SUGP2: variants seen among roughly 807,000 people sequenced by gnomAD.
SUGP2 encodes SURP and G-patch domain containing 2.
A neutral mutation model predicts 90.5 loss-of-function variants in SUGP2; 24 were observed. The observed-to-expected ratio is 0.27, with a 90% CI of 0.19 to 0.37. The LOEUF (loss-of-function observed/expected upper bound fraction) is 0.37, where lower values mean the gene tolerates loss of function less well. Ranked by LOEUF, SUGP2 falls within the 10% of genes least tolerant of loss-of-function variation. The probability of loss-of-function intolerance (pLI) is 1.00; values close to 1 mark genes in which losing one functional copy is unlikely to be tolerated. For synonymous variants in SUGP2, 473 were observed against 513.4 expected, an observed-to-expected ratio of 0.92 and a Z score of 1.06; for missense variants, 1,233 against 1,363.3, an observed-to-expected ratio of 0.90 and a Z score of 1.51.
chr19:18,999,744 C>CCATGAAG (rs2057757063), intron 8 of SUGP2, among the ~76,000 whole-genome samples: 1 of 152,196 alleles, frequency 6.6e-6, no homozygotes, highest in Non-Finnish European at 1.5e-5. Flanking sequence ...TCCTCCCTGA[C>CCATGAAG]CATGAAGGAC....
Position 19,025,737 on chromosome 19 carries a change from C to G in SUGP2, c.611G>C (p.Arg204Thr). ...TCTGGCCTGGACTTGACTGCCGCCC[C>G]TAAGCACAGAGTCAGCCTCCCCAGG... Reference protein sequence around the residue: ...DHPGEADSVLRGGSQVQARGR... With the variant: ...DHPGEADSVLTGGSQVQARGR... Residue 204 changes from arginine (R) to threonine (T), a missense_variant, in exon 3 of 11, where the codon AGG (arginine) becomes ACG (threonine). Arg to Thr is a moderately conservative substitution (Grantham distance 71). Transcript: ENST00000452918. 6.2e-7 allele frequency: 1 copy of G among 1,614,014 alleles called. No individual in the cohort carries two copies. The highest frequency in any genetic ancestry group is 8.5e-7 in the Non-Finnish European group (1 of 1,180,002).
intron 9 of SUGP2, 38 bp downstream of exon 9, chr19:18,995,106 G>GCCCCCCCCCCC: frequency 6.3e-7 from 1 of 1,584,882 alleles, no homozygotes; most frequent in Non-Finnish European, 8.6e-7. Flanking sequence ...AAGGACTGAG[G>GCCCCCCCCCCC]CCCCACCCAC....
chr19:19,018,955 C>T (rs2058605570), intron 4 of SUGP2, among the ~76,000 whole-genome samples, 154 bp downstream of exon 4: 1 of 152,146 alleles, frequency 6.6e-6, no homozygotes, highest in South Asian at 2.1e-4. Context: ...GCTTGCTGAA[C>T]CCACATAAAT....
intron 1 of SUGP2, among the ~76,000 whole-genome samples, chr19:19,031,549 A>T (rs572511300): frequency 1.1e-4 from 16 of 151,404 alleles, no homozygotes; most frequent in African/African-American, 3.9e-4. Context: ...AAAAAAAAAA[A>T]AAATTTCACC....
intron 4 of SUGP2, among the ~76,000 whole-genome samples, chr19:19,011,649 T>C (rs1205612927): frequency 6.6e-6 from 1 of 152,218 alleles, no homozygotes; most frequent in Admixed American, 6.5e-5. Flanking sequence ...TGGCATAATG[T>C]GGCCCACGTG....
At chr19:19,032,156 CT>C (rs71168792) in intron 1 of SUGP2, among the ~76,000 whole-genome samples, 39 of 143,710 alleles carry the variant, frequency 2.7e-4, no homozygotes, top group African/African-American at 4.4e-4. Context: ...AGAGATCAAT[CT>C]TTTTTTTTTT....
At chr19:19,029,530 C>T (rs565363839) in intron 2 of SUGP2, among the ~76,000 whole-genome samples, 5 of 151,844 alleles carry the variant, frequency 3.3e-5, no homozygotes, top group African/African-American at 1.2e-4. Context: ...GCTCCACCTC[C>T]CGGGTTCACG....
At chr19:19,005,395 C>G (rs188006526) in intron 6 of SUGP2, among the ~76,000 whole-genome samples, 17 of 152,240 alleles carry the variant, frequency 1.1e-4, no homozygotes, top group African/African-American at 3.9e-4. Flanking sequence ...CATTCTGAAT[C>G]AGGGCAAGAT....
chr19:19,027,562 C>T (rs886572510), intron 2 of SUGP2, among the ~76,000 whole-genome samples: 9 of 151,900 alleles, frequency 5.9e-5, no homozygotes, highest in South Asian at 2.1e-4. Flanking sequence ...AAATCAAGCA[C>T]GTGGGAACCT....
intron 3 of SUGP2, among the ~76,000 whole-genome samples, chr19:19,023,141 C>A (rs1310225037): frequency 2.6e-5 from 4 of 152,146 alleles, no homozygotes; most frequent in East Asian, 3.9e-4. Context: ...TTAAGTGATT[C>A]ACCAACTTTA....
chr19:19,019,967 T>G (rs2058652979), intron 3 of SUGP2, among the ~76,000 whole-genome samples: 1 of 84,512 alleles, frequency 1.2e-5, no homozygotes, highest in African/African-American at 4.6e-5. Flanking sequence ...GGCAACATGG[T>G]GAAACTCCGT....
chr19:19,002,776 G>C (rs1253029999), intron 7 of SUGP2, among the ~76,000 whole-genome samples: 2 of 151,902 alleles, frequency 1.3e-5, no homozygotes, highest in Non-Finnish European at 2.9e-5. Context: ...GCCTCCCAGA[G>C]TGCTGGGATT....
chr19:19,028,231 T>C (rs923833952), intron 2 of SUGP2, among the ~76,000 whole-genome samples: 1 of 152,142 alleles, frequency 6.6e-6, no homozygotes, highest in Non-Finnish European at 1.5e-5. Context: ...CAGGTGACGC[T>C]AACGTGCTAC....
rs373268875 is a variant in SUGP2, at chr19:19,023,715, A to G, written c.1729+904T>C. On this transcript the variant is annotated intron_variant, in intron 3 of 10. Coordinates refer to ENST00000452918, the MANE Select transcript of SUGP2 (RefSeq NM_001017392.5). The stretch of plus-strand genomic sequence containing the variant: ...GGAGTTCGAGACCAGTCTGGGCAAC[A>G]TGATTCTCTACAAAAAAATACAAAA... Among the ~76,000 whole-genome samples the G allele has an allele frequency of 1.2e-4, 19 of 152,134 alleles. No homozygotes were observed. In the East Asian group the frequency reaches 3.3e-3, roughly 26 times the overall value.
At chr19:19,024,581 GA>G (rs752153435) in intron 3 of SUGP2, 37 bp downstream of exon 3, 1 of 1,558,008 alleles carries the variant, frequency 6.4e-7, no homozygotes, top group East Asian at 2.3e-5. Flanking sequence ...AAAGAAACAC[GA>G]AAAACAACAA....
chr19:19,032,976 C>T (rs977169415), intron 1 of SUGP2: 1 of 133,736 alleles, frequency 7.5e-6, no homozygotes, highest in Admixed American at 9.4e-5. Context: ...TGGCAAAGGG[C>T]AGGGTTCCCG....
chr19:19,004,756 G>T, intron 6 of SUGP2, 110 bp from the exon 7 acceptor site: 1 of 875,978 alleles, frequency 1.1e-6, no homozygotes, highest in Non-Finnish European at 1.8e-6. Context: ...ACAAGGGAAA[G>T]AATAACCTGA....
rs558801066 is a variant in SUGP2 at position 18,992,207 on chromosome 19, C to A, written c.*1534G>T. 6.6e-6 allele frequency: 1 copy of A among 151,782 alleles called. No homozygotes were observed. The highest frequency in any genetic ancestry group is 1.5e-5 in the Non-Finnish European group (1 of 68,026). 9.4% of individuals were successfully genotyped at this position (151,782 alleles called of 1,614,324 possible). ...CTGGGACTACAAGCGCCCGCCACCA[C>A]GCCCAGCTAATTTTTTGCATTTTTA... On this transcript the variant is annotated 3_prime_UTR_variant, in exon 11 of 11. Coordinates refer to ENST00000452918, the MANE Select transcript of SUGP2 (RefSeq NM_001017392.5).
At chr19:19,001,260 C>T (rs756754177) in intron 8 of SUGP2, among the ~76,000 whole-genome samples, 6 of 152,144 alleles carry the variant, frequency 3.9e-5, no homozygotes, top group Non-Finnish European at 8.8e-5. Flanking sequence ...TGTGATCCAC[C>T]CGCCCTCTGC....
Sources: gnomAD v4.1 joint callset for allele counts (sites outside exome capture counted in the v4.1 genomes callset) on GRCh38, gnomAD v4.1.1 for gene constraint, MANE v1.5 for transcripts, NCBI Gene and HGNC (gene_info 2026-07-23, HGNC 2026-07-21) for gene names.